GPRIN1: variants seen among roughly 807,000 people sequenced by gnomAD.
GPRIN1 encodes G protein regulated inducer of neurite outgrowth 1, also known as G protein-regulated inducer of neurite outgrowth 1.
A neutral mutation model predicts 2.8 loss-of-function variants in GPRIN1; 4 were observed. The observed-to-expected ratio is 1.45, with a 90% CI of 0.71 to 3.32. The LOEUF is 3.32. Ranked by LOEUF, GPRIN1 falls within the 30% of genes most tolerant of loss-of-function variation. The pLI is 0.01. For synonymous variants in GPRIN1, 589 were observed against 589.9 expected (o/e 1.00, Z 0.02); for missense variants, 1,322 against 1,343.4 (o/e 0.98, Z 0.25).
At position 176,597,586 on chromosome 5, in the gene GPRIN1, G is replaced by T; in HGVS notation, c.2249C>A (p.Pro750Gln). ...GARGSEGRVE[P>Q]KAEPVSSTEA... The stretch of plus-strand genomic sequence containing the variant: ...GGTGCTGGACACGGGCTCGGCCTTC[G>T]GCTCCACGCGGCCTTCACTGCCCCT... The change falls in exon 2 of 2, where the codon CCG (proline) becomes CAG (glutamine). Residue 750 changes from proline (P) to glutamine (Q), a missense_variant. Pro to Gln is a moderately conservative substitution (Grantham distance 76). Coordinates refer to ENST00000303991, the MANE Select transcript of GPRIN1 (RefSeq NM_052899.3). The surrounding 1 kb of genome is among the most constrained non-coding windows in gnomAD (Gnocchi z 6.1). 1.9e-6 allele frequency: 3 copies of T among 1,594,052 alleles called. No individual in the cohort carries two copies. The highest frequency in any genetic ancestry group is 1.7e-6 in the Non-Finnish European group (2 of 1,176,718).
At position 176,608,064 on chromosome 5, in the gene GPRIN1, C is replaced by T. The variant is rs572957753; in HGVS notation, c.-44+1935G>A. On this transcript the variant is annotated intron_variant, in intron 1 of 1. Transcript: ENST00000303991. Reference sequence around the variant, plus strand: ...CATCAGACTCCTAAGTAGCTATAGGCATGCGCCATCACACCCAGCTAATCT... The same window carrying T: ...CATCAGACTCCTAAGTAGCTATAGGTATGCGCCATCACACCCAGCTAATCT... Among the ~76,000 whole-genome samples, 5 of 152,068 alleles carry T rather than the reference C, an allele frequency of 3.3e-5. No individual in the cohort carries two copies. The East Asian group carries it at 5.8e-4, about 18-fold the overall frequency.
In GPRIN1 at chr5:176,600,759, C is replaced by CA. The variant is rs1487603439; in HGVS notation, c.-43-883dup. On this transcript the variant is annotated intron_variant, in intron 1 of 1. Transcript: ENST00000303991. ...TGTAACCCCCTCTCTACTAAATATACAAAAAAATTAGCCAGGTGTGGTGGT... is the reference window on the plus strand; with the variant it reads ...TGTAACCCCCTCTCTACTAAATATACAAAAAAAATTAGCCAGGTGTGGTGGT... Among the ~76,000 whole-genome samples, 9 of 151,762 alleles carry CA rather than the reference C, an allele frequency of 5.9e-5. No homozygotes were observed. In the South Asian group the frequency reaches 1.0e-3, roughly 18 times the overall value.
At chr5:176,604,694 A>T (rs967971455) in intron 1 of GPRIN1, among the ~76,000 whole-genome samples, 3 of 151,488 alleles carry the variant, frequency 2.0e-5, no homozygotes, top group Admixed American at 1.3e-4. Context: ...GGTTTCCTAA[A>T]TTTTTTTTTA....
rs1044264160 is a variant in GPRIN1, at chr5:176,602,188, A to G, written c.-43-2311T>C. On this transcript the variant is annotated intron_variant, in intron 1 of 1. Coordinates refer to ENST00000303991, the MANE Select transcript of GPRIN1 (RefSeq NM_052899.3). This position sits in a 1 kb window ranked among gnomAD's most constrained non-coding sequence, Gnocchi z 4.4. ...CCTTGGCGCTGCCTGCTTCTTCTGC[A>G]TGGAGAGATTTCTCTCCAAATATCT... Among the ~76,000 whole-genome samples the G allele has an allele frequency of 1.3e-5, 2 of 152,102 alleles. No individual in the cohort carries two copies. The highest frequency in any genetic ancestry group is 6.5e-5 in the Admixed American group (1 of 15,272).
Position 176,597,328 on chromosome 5 carries a change from C to G in GPRIN1, c.2507G>C (p.Gly836Ala), listed in dbSNP as rs978045883. Residue 836 changes from glycine to alanine, a missense_variant, in exon 2 of 2, where the codon GGG becomes GCG. Transcript: ENST00000303991. This position sits in a 1 kb window ranked among gnomAD's most constrained non-coding sequence, Gnocchi z 6.1. ...VSPMSPQDGAGGSAFSFQAAP... is the reference protein window; with the variant it reads ...VSPMSPQDGAAGSAFSFQAAP... ...CGCCTGGAAGCTGAAGGCCGAGCCC[C>G]CAGCGCCGTCCTGCGGAGACATGGG... 1.6e-6 allele frequency: 2 copies of G among 1,241,718 alleles called. No individual in the cohort carries two copies. Among genetic ancestry groups the G allele is most frequent in the South Asian group, 3.4e-5 (1 of 29,012 alleles). 76.9% of individuals were successfully genotyped at this position (1,241,718 alleles called of 1,614,324 possible).
chr5:176,597,003 T>C lies in GPRIN1; in HGVS notation c.2832A>G (p.Arg944=), dbSNP rs769581237. The C allele has an allele frequency of 2.1e-6, 3 of 1,431,766 alleles. No individual in the cohort carries two copies. The highest frequency in any genetic ancestry group is 2.1e-5 in the Admixed American group (1 of 47,684). 88.7% of individuals were successfully genotyped at this position (1,431,766 alleles called of 1,614,324 possible). Residue 944 remains arginine (R), a synonymous_variant, in exon 2 of 2, where the codon CGA becomes CGG. Coordinates refer to ENST00000303991, the MANE Select transcript of GPRIN1 (RefSeq NM_052899.3). This position sits in a 1 kb window ranked among gnomAD's most constrained non-coding sequence, Gnocchi z 6.1. ...CTTGGCGGCCGTGCTCCTCGATCTG[T>C]CGCTCCAGATGCTTCTGGATGGCCA... The part of the protein sequence containing the change: ...LGMAIQKHLE[R]QIEEHGRQGA...
At chr5:176,609,067 A>G (rs1285973012) in intron 1 of GPRIN1, among the ~76,000 whole-genome samples, 1 of 152,182 alleles carries the variant, frequency 6.6e-6, no homozygotes, top group Non-Finnish European at 1.5e-5. Flanking sequence ...ACATACATAC[A>G]TAGGAGGGCA....
Position 176,596,166 on chromosome 5 carries a change from TGA to T in GPRIN1, c.*640_*641del, listed in dbSNP as rs979046198. On this transcript the variant is annotated 3_prime_UTR_variant, in exon 2 of 2. Coordinates refer to ENST00000303991, the MANE Select transcript of GPRIN1 (RefSeq NM_052899.3). This position sits in a 1 kb window ranked among gnomAD's most constrained non-coding sequence, Gnocchi z 5.2. The stretch of plus-strand genomic sequence containing the variant: ...GGCCTCTCTGGGAATCTCAAACCTG[TGA>T]CTCAGTGGGAGAGGGGATGGGGCTG... 1 of 152,578 alleles carries T rather than the reference TGA, an allele frequency of 6.6e-6. No individual in the cohort carries two copies. Among genetic ancestry groups the T allele is most frequent in the African/African-American group, 2.4e-5 (1 of 41,364 alleles). 9.5% of individuals were successfully genotyped at this position (152,578 alleles called of 1,614,324 possible). A position where few individuals can be genotyped will look rare whatever the true frequency, so the allele number is the denominator to read the frequency against.
At position 176,596,858 on chromosome 5, in the gene GPRIN1, T is replaced by C; in HGVS notation, c.2977A>G (p.Ser993Gly). 7.9e-6 allele frequency: 11 copies of C among 1,387,430 alleles called. No homozygotes were observed. Among genetic ancestry groups the C allele is most frequent in the Non-Finnish European group, 1.0e-5 (11 of 1,066,420 alleles). 85.9% of individuals were successfully genotyped at this position (1,387,430 alleles called of 1,614,324 possible). A position where few individuals can be genotyped will look rare whatever the true frequency, so the allele number is the denominator to read the frequency against. ...PPGLFRALLQ[S>G]VRRPRCCSRA... is the part of the protein sequence containing the mutation. The stretch of plus-strand genomic sequence containing the variant: ...GAGCAGCACCGCGGCCGGCGCACAC[T>C]CTGCAGCAGCGCGCGGAACAGGCCG... The change falls in exon 2 of 2, where the codon AGT becomes GGT. Residue 993 changes from serine (S) to glycine (G), a missense_variant. Transcript: ENST00000303991. This position sits in a 1 kb window ranked among gnomAD's most constrained non-coding sequence, Gnocchi z 5.2.
At position 176,598,332 on chromosome 5, in the gene GPRIN1, C is replaced by G. The variant is rs558636559; in HGVS notation, c.1503G>C (p.Gly501=). 1.2e-4 allele frequency: 195 copies of G among 1,613,690 alleles called. No individual in the cohort carries two copies. Among genetic ancestry groups the G allele is most frequent in the Non-Finnish European group, 1.5e-4 (179 of 1,179,768 alleles). The change falls in exon 2 of 2, where the codon GGG becomes GGC. Residue 501 remains glycine, a synonymous_variant. Coordinates refer to ENST00000303991, the MANE Select transcript of GPRIN1 (RefSeq NM_052899.3). ...TTACTGCAGATGGGGGACCTGCTGT[C>G]CCCAAGGACCTGGGATCGCCTGGAC... ...SSGPGDPRSL[G]TAGPPSAVKA... is the part of the protein sequence containing the mutation.
Position 176,596,279 on chromosome 5 carries a change from T to G in GPRIN1, c.*529A>C, listed in dbSNP as rs1759032214. 1 of 152,376 alleles carries G rather than the reference T, an allele frequency of 6.6e-6. No homozygotes were observed. The highest frequency in any genetic ancestry group is 1.5e-5 in the Non-Finnish European group (1 of 68,178). The allele number at this position is 152,376 out of a possible 1,614,324, so 9.4% of individuals were successfully genotyped here. On this transcript the variant is annotated 3_prime_UTR_variant, in exon 2 of 2. Coordinates refer to ENST00000303991, the MANE Select transcript of GPRIN1 (RefSeq NM_052899.3). This position sits in a 1 kb window ranked among gnomAD's most constrained non-coding sequence, Gnocchi z 5.2. ...CCCGGCCACGGGGCCAGCCACTGCG[T>G]GGAGACGCTCACACTCGTTCTACCT...
In GPRIN1 at chr5:176,599,284, T is replaced by C; in HGVS notation, c.551A>G (p.Lys184Arg). Reference sequence around the variant, plus strand: ...CTTTCCCAAGATTTCAGGCTCTGCCTTTCCTGTAAACATGGGATCTGCCTT... The same window carrying C: ...CTTTCCCAAGATTTCAGGCTCTGCCCTTCCTGTAAACATGGGATCTGCCTT... Reference protein sequence around the residue: ...SRKADPMFTGKAEPEILGKGD... With the variant: ...SRKADPMFTGRAEPEILGKGD... The change falls in exon 2 of 2, where the codon AAG becomes AGG. Residue 184 changes from lysine to arginine, a missense_variant. Lys to Arg is a conservative substitution (Grantham distance 26). This residue lies in a region of GPRIN1 where 1,117 missense variants were observed against 1,128.6 expected (regional missense o/e 0.99). Transcript: ENST00000303991. 1 of 1,614,030 alleles carries C rather than the reference T, an allele frequency of 6.2e-7. No individual in the cohort carries two copies. The highest frequency in any genetic ancestry group is 1.3e-5 in the African/African-American group (1 of 75,010).
chr5:176,598,287 C>G lies in GPRIN1; in HGVS notation c.1548G>C (p.Gly516=). The G allele has an allele frequency of 6.2e-7, 1 of 1,613,798 alleles. No homozygotes were observed. Among genetic ancestry groups the G allele is most frequent in the Non-Finnish European group, 8.5e-7 (1 of 1,179,910 alleles). Residue 516 remains glycine, a synonymous_variant, in exon 2 of 2, where the codon GGG becomes GGC. Transcript: ENST00000303991. ...PSAVKAEPAT[G]GKGDPLSSEK... ...CCGAGGACAGGGGATCTCCTTTTCC[C>G]CCCGTCGCTGGCTCAGCCTTTACTG...
rs1425685103 is a variant in GPRIN1, at chr5:176,602,632, A to G, written c.-43-2755T>C. Among the ~76,000 whole-genome samples the G allele has an allele frequency of 6.6e-6, 1 of 152,224 alleles. No individual in the cohort carries two copies. The highest frequency in any genetic ancestry group is 6.5e-5 in the Admixed American group (1 of 15,284). On this transcript the variant is annotated intron_variant, in intron 1 of 1. Transcript: ENST00000303991. This position sits in a 1 kb window ranked among gnomAD's most constrained non-coding sequence, Gnocchi z 4.4. Reference sequence around the variant, plus strand: ...CATTTATCAATTTCTATCAAAGTTTACAACGCGCATAGCATTTGAGCCACC... The same window carrying G: ...CATTTATCAATTTCTATCAAAGTTTGCAACGCGCATAGCATTTGAGCCACC...
In GPRIN1 at chr5:176,599,368, T is replaced by C. The variant is rs747118885; in HGVS notation, c.467A>G (p.Lys156Arg). The C allele has an allele frequency of 6.2e-7, 1 of 1,614,240 alleles. No homozygotes were observed. The highest frequency in any genetic ancestry group is 1.7e-5 in the Admixed American group (1 of 60,030). The change falls in exon 2 of 2, where the codon AAG becomes AGG. Residue 156 changes from lysine to arginine, a missense_variant. This residue lies in a region of GPRIN1 where 1,117 missense variants were observed against 1,128.6 expected (regional missense o/e 0.99). Transcript: ENST00000303991. ...NPMFLEKMDF[K>R]SSKQADSTSI... Reference sequence around the variant, plus strand: ...AGTGGAATCGGCCTGCTTTGAGGACTTGAAATCCATCTTCTCTAAGAACAT... The same window carrying C: ...AGTGGAATCGGCCTGCTTTGAGGACCTGAAATCCATCTTCTCTAAGAACAT...
In GPRIN1 at chr5:176,598,514, C is replaced by G. The variant is rs148655640; in HGVS notation, c.1321G>C (p.Glu441Gln). The G allele has an allele frequency of 3.8e-4, 612 of 1,614,088 alleles. No homozygotes were observed. The highest frequency in any genetic ancestry group is 5.0e-4 in the Non-Finnish European group (591 of 1,180,054). The change falls in exon 2 of 2, where the codon GAG becomes CAG. Residue 441 changes from glutamate (E) to glutamine (Q), a missense_variant. Coordinates refer to ENST00000303991, the MANE Select transcript of GPRIN1 (RefSeq NM_052899.3). Reference protein sequence around the residue: ...KPELLSPGQAERVSVGKAGTV... With the variant: ...KPELLSPGQAQRVSVGKAGTV... ...CCTGCCTTTCCCACAGACACACGCTCTGCCTGTCCAGGAGACAAGAGCTCT... is the reference window on the plus strand; with the variant it reads ...CCTGCCTTTCCCACAGACACACGCTGTGCCTGTCCAGGAGACAAGAGCTCT...
chr5:176,598,288 C>T lies in GPRIN1; in HGVS notation c.1547G>A (p.Gly516Glu). 6.2e-7 allele frequency: 1 copy of T among 1,613,790 alleles called. No individual in the cohort carries two copies. The highest frequency in any genetic ancestry group is 8.5e-7 in the Non-Finnish European group (1 of 1,179,896). ...CGAGGACAGGGGATCTCCTTTTCCC[C>T]CCGTCGCTGGCTCAGCCTTTACTGC... ...PSAVKAEPAT[G>E]GKGDPLSSEK... Residue 516 changes from glycine to glutamate, a missense_variant, in exon 2 of 2, where the codon GGG becomes GAG. Around this residue, in one of 3 missense-constraint regions of GPRIN1, gnomAD observed 1,117 missense variants for 1,128.6 expected, o/e 0.99. Transcript: ENST00000303991.
Position 176,598,727 on chromosome 5 carries a change from C to T in GPRIN1, c.1108G>A (p.Asp370Asn), listed in dbSNP as rs930844012. 4.3e-6 allele frequency: 7 copies of T among 1,613,988 alleles called. No homozygotes were observed. The highest frequency in any genetic ancestry group is 5.9e-6 in the Non-Finnish European group (7 of 1,180,036). Residue 370 changes from aspartate (D) to asparagine (N), a missense_variant, in exon 2 of 2, where the codon GAC becomes AAC. By Grantham distance (23) the Asp-to-Asn change is conservative. Coordinates refer to ENST00000303991, the MANE Select transcript of GPRIN1 (RefSeq NM_052899.3). Reference protein sequence around the residue: ...NVETVPATKEDSRFLGKMDPA... With the variant: ...NVETVPATKENSRFLGKMDPA... ...TCCATCTTTCCCAGGAACCGGGAGTCCTCTTTTGTGGCAGGCACAGTTTCT... is the reference window on the plus strand; with the variant it reads ...TCCATCTTTCCCAGGAACCGGGAGTTCTCTTTTGTGGCAGGCACAGTTTCT...
At chr5:176,609,844 G>A (rs564787218) in intron 1 of GPRIN1, among the ~76,000 whole-genome samples, 155 bp downstream of exon 1, 107 of 142,510 alleles carry the variant, frequency 7.5e-4, no homozygotes, top group African/African-American at 2.4e-3. Context: ...CCCCAGCCGC[G>A]CGCACACACC....
Sources: allele counts gnomAD v4.1 joint callset (sites outside exome capture counted in the v4.1 genomes callset), GRCh38; gene constraint gnomAD v4.1.1; regional missense constraint gnomAD v4.1.1; non-coding constraint Gnocchi (gnomAD v3.1); transcripts MANE v1.5; gene names NCBI Gene and HGNC (gene_info 2026-07-23, HGNC 2026-07-21).